SDK1: variants seen among roughly 807,000 people sequenced by gnomAD.
The protein encoded by SDK1 is sidekick cell adhesion molecule 1.
A neutral mutation model predicts 245.5 loss-of-function variants in SDK1; 157 were observed. That is an observed-to-expected ratio of 0.64 (90% confidence interval 0.56 to 0.73). SDK1 has a LOEUF of 0.73. SDK1 is among the 30% of genes least tolerant of loss of function. The pLI is 0.00. For missense variants in SDK1, 3,583 were observed against 3,002.3 expected, an observed-to-expected ratio of 1.19 and a Z score of -4.52; for synonymous variants, 1,647 against 1,278.5, an observed-to-expected ratio of 1.29 and a Z score of -6.15.
chr7:3,749,015 T>C (rs1436841086), intron 4 of SDK1, among the ~76,000 whole-genome samples: 1 of 152,188 alleles, frequency 6.6e-6, no homozygotes, highest in African/African-American at 2.4e-5. Context: ...CACACTTAGA[T>C]GGAGACATGC....
At chr7:3,770,157 T>G (rs1189810915) in intron 4 of SDK1, among the ~76,000 whole-genome samples, 3 of 152,130 alleles carry the variant, frequency 2.0e-5, no homozygotes, top group Admixed American at 1.3e-4. Context: ...GTATCTGGAC[T>G]GTATCCGTTT....
At chr7:4,188,175 C>T (rs1231832059) in intron 35 of SDK1, among the ~76,000 whole-genome samples, 1 of 152,240 alleles carries the variant, frequency 6.6e-6, no homozygotes, top group African/African-American at 2.4e-5. Flanking sequence ...CACAGCCCAA[C>T]CATATCACTA....
At chr7:3,456,078 T>A (rs1328515987) in intron 1 of SDK1, among the ~76,000 whole-genome samples, 1 of 152,212 alleles carries the variant, frequency 6.6e-6, no homozygotes, top group Non-Finnish European at 1.5e-5. Context: ...CTCCATGGTT[T>A]CTGTTGAGAA....
chr7:3,424,620 A>G (rs1038899076), intron 1 of SDK1, among the ~76,000 whole-genome samples: 1 of 152,162 alleles, frequency 6.6e-6, no homozygotes, highest in Non-Finnish European at 1.5e-5. Flanking sequence ...AATACCGGCT[A>G]GGCACAGTGT....
At chr7:3,873,133 T>C (rs1780996621) in intron 5 of SDK1, among the ~76,000 whole-genome samples, 1 of 152,200 alleles carries the variant, frequency 6.6e-6, no homozygotes, top group Non-Finnish European at 1.5e-5. Context: ...GTATGTCTAC[T>C]GGCAGTAAAT....
At chr7:4,124,130 G>A (rs770810892) in intron 25 of SDK1, among the ~76,000 whole-genome samples, 9 of 152,254 alleles carry the variant, frequency 5.9e-5, no homozygotes, top group Non-Finnish European at 1.3e-4. Context: ...CCTGTTTGTG[G>A]TGGTGAGGCG....
intron 8 of SDK1, among the ~76,000 whole-genome samples, chr7:3,959,888 A>C (rs1781543498): frequency 1.3e-5 from 2 of 151,160 alleles, no homozygotes; most frequent in South Asian, 2.1e-4. Context: ...CAAGCTGCCC[A>C]CTGTCACCGT....
At chr7:3,883,464 T>G (rs1261524665) in intron 5 of SDK1, among the ~76,000 whole-genome samples, 1 of 152,178 alleles carries the variant, frequency 6.6e-6, no homozygotes, top group Non-Finnish European at 1.5e-5. Flanking sequence ...TGTGTGTATG[T>G]GTGCGGCCCT....
At chr7:4,155,407 C>T (rs181492475) in intron 30 of SDK1, among the ~76,000 whole-genome samples, 32 of 152,354 alleles carry the variant, frequency 2.1e-4, no homozygotes, top group African/African-American at 7.0e-4. Flanking sequence ...CCACCTGACA[C>T]GCACTTATGG....
At chr7:3,959,068 A>G in intron 8 of SDK1, 54 bp downstream of exon 8, 1 of 1,349,458 alleles carries the variant, frequency 7.4e-7, no homozygotes, top group Non-Finnish European at 1.1e-6. Flanking sequence ...GAAGGGAAAC[A>G]ACCTTTTTCC....
chr7:3,935,667 C>A (rs1164293053), intron 5 of SDK1, among the ~76,000 whole-genome samples: 1 of 152,070 alleles, frequency 6.6e-6, no homozygotes, highest in African/African-American at 2.4e-5. Flanking sequence ...AAATTAAAAC[C>A]ACAATGAAAG....
intron 1 of SDK1, among the ~76,000 whole-genome samples, chr7:3,435,929 T>C (rs1780009077): frequency 6.6e-6 from 1 of 152,218 alleles, no homozygotes; most frequent in African/African-American, 2.4e-5. Context: ...GGTTCTTCTA[T>C]TGGATGTAGT....
In SDK1 at chr7:3,338,926, CAG is replaced by C. The variant is rs1269626398; in HGVS notation, c.298+37044_298+37045del. 2.6e-5 allele frequency among the ~76,000 whole-genome samples: 4 copies of C among 152,098 alleles called. No homozygotes were observed. In the East Asian group the frequency reaches 7.7e-4, roughly 29 times the overall value. On this transcript the variant is annotated intron_variant, in intron 1 of 44. Transcript: ENST00000404826. ...AGGAGAAACAGAAGAAACAAAATAA[CAG>C]AAATAATTAAATGGCAGGCTTAGGC...
At chr7:4,070,863 CCACGCCTGGCT>C (rs1348915346) in intron 20 of SDK1, among the ~76,000 whole-genome samples, 1 of 152,074 alleles carries the variant, frequency 6.6e-6, no homozygotes, top group African/African-American at 2.4e-5. Context: ...GCGTGAGCCA[CCACGCCTGGCT>C]AATTGTTTGT....
chr7:3,313,378 G>C (rs1399726143), intron 1 of SDK1, among the ~76,000 whole-genome samples: 2 of 152,180 alleles, frequency 1.3e-5, no homozygotes, highest in Non-Finnish European at 2.9e-5. Flanking sequence ...TTGTATTCCA[G>C]CCTGGCGACG....
At chr7:3,536,537 C>G (rs544211008) in intron 1 of SDK1, among the ~76,000 whole-genome samples, 1 of 151,848 alleles carries the variant, frequency 6.6e-6, no homozygotes, top group African/African-American at 2.4e-5. Context: ...AAAAAAACCC[C>G]ACAAAAATTA....
intron 1 of SDK1, among the ~76,000 whole-genome samples, chr7:3,425,663 ATGTATT>A (rs1319133238): frequency 1.3e-5 from 2 of 152,224 alleles, no homozygotes; most frequent in Admixed American, 1.3e-4. Flanking sequence ...AATGATAGAA[ATGTATT>A]TGTTTAATTT....
At chr7:3,504,265 C>CGTTGTTGTT (rs369977701) in intron 1 of SDK1, among the ~76,000 whole-genome samples, 58 of 146,624 alleles carry the variant, frequency 4.0e-4, no homozygotes, top group African/African-American at 1.4e-3. Context: ...CTGTTGTTGT[C>CGTTGTTGTT]GTTGTTGTTG....
At chr7:3,427,791 A>G (rs1779718480) in intron 1 of SDK1, among the ~76,000 whole-genome samples, 1 of 151,922 alleles carries the variant, frequency 6.6e-6, no homozygotes, top group Admixed American at 6.6e-5. Context: ...AATTTATGTG[A>G]AGCTGCCTTC....
Sources: gnomAD v4.1 joint callset for allele counts (sites outside exome capture counted in the v4.1 genomes callset) on GRCh38, gnomAD v4.1.1 for gene constraint, MANE v1.5 for transcripts, NCBI Gene and HGNC (gene_info 2026-07-23, HGNC 2026-07-21) for gene names.